Variants in DMXL1 observed in about 807,000 individuals in gnomAD.
The protein encoded by DMXL1 is Dmx like 1.
In DMXL1, 99 loss-of-function variants were observed where a neutral mutation model predicts 319.2. The ratio of observed to expected loss-of-function variants is 0.31; its 90% CI spans 0.26 to 0.37. The LOEUF (loss-of-function observed/expected upper bound fraction) is 0.37, where lower values mean the gene tolerates loss of function less well. DMXL1 is among the 10% of genes least tolerant of loss of function. The pLI is 1.00. For missense variants in DMXL1, 3,745 were observed against 3,595.6 expected (o/e 1.04, Z -1.06); for synonymous variants, 1,385 against 1,235.2 (o/e 1.12, Z -2.54).
chr5:119,128,885 G>A (rs1268192579), intron 9 of DMXL1, among the ~76,000 whole-genome samples: 1 of 152,066 alleles, frequency 6.6e-6, no homozygotes, highest in Non-Finnish European at 1.5e-5. Context: ...CCAGCGTGGT[G>A]AAACCCTGTC....
chr5:119,218,647 G>T (rs968960666), intron 35 of DMXL1, among the ~76,000 whole-genome samples: 6 of 151,980 alleles, frequency 3.9e-5, no homozygotes, highest in Admixed American at 3.9e-4. Context: ...AGTAGAGACG[G>T]CGTTTCACCA....
At position 119,117,490 on chromosome 5, in the gene DMXL1, AGT is replaced by A. The variant is rs372068962; in HGVS notation, c.743+1156_743+1157del. Reference sequence around the variant, plus strand: ...GCCAGGACAGGGATAGAGAAAAGAGAGTGAGAAAAAATGGAGGGAGATGGGTG... The same window carrying A: ...GCCAGGACAGGGATAGAGAAAAGAGAGAGAAAAAATGGAGGGAGATGGGTG... On this transcript the variant is annotated intron_variant, in intron 7 of 43. Coordinates refer to ENST00000539542, the MANE Select transcript of DMXL1 (RefSeq NM_001290321.3). 2.1e-3 allele frequency among the ~76,000 whole-genome samples: 317 copies of A among 152,092 alleles called. 1 individual carries two copies. The highest frequency in any genetic ancestry group is 0.01 in the Middle Eastern group (3 of 294).
chr5:119,150,754 A>G lies in DMXL1; in HGVS notation c.4594+333A>G, dbSNP rs150373227. ...GGCAGTGAACTGATTGTGCCACTGCACTACAGCCTGGACAATAGAGCAAGA... is the reference window on the plus strand; with the variant it reads ...GGCAGTGAACTGATTGTGCCACTGCGCTACAGCCTGGACAATAGAGCAAGA... On this transcript the variant is annotated intron_variant, in intron 18 of 43. Coordinates refer to ENST00000539542, the MANE Select transcript of DMXL1 (RefSeq NM_001290321.3). Among the ~76,000 whole-genome samples, 24 of 152,146 alleles carry G rather than the reference A, an allele frequency of 1.6e-4. No individual in the cohort carries two copies. In the East Asian group the frequency reaches 3.9e-3, roughly 25 times the overall value.
chr5:119,176,679 T>A (rs1279349840), intron 26 of DMXL1, among the ~76,000 whole-genome samples: 1 of 152,108 alleles, frequency 6.6e-6, no homozygotes, highest in African/African-American at 2.4e-5. Context: ...ATTCATGTAC[T>A]TAATGTATGA....
intron 32 of DMXL1, among the ~76,000 whole-genome samples, 173 bp from the exon 33 acceptor site, chr5:119,203,146 T>G (rs1781130359): frequency 6.6e-6 from 1 of 151,998 alleles, no homozygotes; most frequent in Non-Finnish European, 1.5e-5. Flanking sequence ...CTGAATTATG[T>G]ACTAATCCTT....
chr5:119,194,882 C>T (rs936452363), intron 30 of DMXL1, among the ~76,000 whole-genome samples: 13 of 151,744 alleles, frequency 8.6e-5, no homozygotes, highest in Admixed American at 3.3e-4. Flanking sequence ...TGGCAAAACC[C>T]GATCTATATT....
chr5:119,123,390 GAGA>G (rs1762722931), intron 9 of DMXL1, among the ~76,000 whole-genome samples: 1 of 81,998 alleles, frequency 1.2e-5, no homozygotes, highest in South Asian at 5.8e-4. Flanking sequence ...GGAGAGGAGG[GAGA>G]GGAGGGGGAG....
At chr5:119,097,922 C>T (rs1043296755) in intron 1 of DMXL1, 57 bp from the exon 2 acceptor site, 84 of 1,422,262 alleles carry the variant, frequency 5.9e-5, no homozygotes, top group Non-Finnish European at 8.0e-5. Context: ...TACTAGTATT[C>T]TACATGGTAA....
chr5:119,151,941 T>C lies in DMXL1; in HGVS notation c.4607T>C (p.Leu1536Pro), dbSNP rs1034338084. ...SRDRSQGGET[L>P]DECGLKFLLA... ...TCTCCCATTGCAGGTGGAGAAACTC[T>C]TGATGAATGTGGGTTAAAATTTCTT... The change falls in exon 19 of 44, where the codon CTT becomes CCT. Residue 1536 changes from leucine to proline, a missense_variant. Physicochemically the swap from Leu to Pro is moderately conservative, Grantham distance 98. Coordinates refer to ENST00000539542, the MANE Select transcript of DMXL1 (RefSeq NM_001290321.3). 12 of 1,612,578 alleles carry C rather than the reference T, an allele frequency of 7.4e-6. No homozygotes were observed. The highest frequency in any genetic ancestry group is 1.0e-5 in the Non-Finnish European group (12 of 1,179,052).
At chr5:119,190,813 T>C (rs759938311) in intron 29 of DMXL1, among the ~76,000 whole-genome samples, 7 of 152,172 alleles carry the variant, frequency 4.6e-5, no homozygotes, top group African/African-American at 1.4e-4. Context: ...ATAGTGACTT[T>C]GCCAAAAAAC....
At position 119,133,866 on chromosome 5, in the gene DMXL1, G is replaced by A. The variant is rs139365266; in HGVS notation, c.1942G>A (p.Val648Ile). 2,438 of 1,614,078 alleles carry A rather than the reference G, an allele frequency of 1.5e-3. 19 individuals carry two copies. The highest frequency in any genetic ancestry group is 9.1e-3 in the South Asian group (830 of 91,092). Reference protein sequence around the residue: ...FHLNDLACHSVLPLLLTTSHH... With the variant: ...FHLNDLACHSILPLLLTTSHH... ...TCTTAATGATTTAGCTTGCCACTCA[G>A]TATTACCATTATTGCTGACAACATC... Residue 648 changes from valine to isoleucine, a missense_variant, in exon 12 of 44, where the codon GTA becomes ATA. Physicochemically the swap from Val to Ile is conservative, Grantham distance 29. Transcript: ENST00000539542.
chr5:119,082,260 T>G (rs1348899670), intron 1 of DMXL1, among the ~76,000 whole-genome samples: 1 of 151,980 alleles, frequency 6.6e-6, no homozygotes, highest in Non-Finnish European at 1.5e-5. Context: ...TACAGACATG[T>G]GCCACCATGC....
chr5:119,179,200 A>G (rs1018424441), intron 28 of DMXL1, among the ~76,000 whole-genome samples: 4 of 151,926 alleles, frequency 2.6e-5, no homozygotes, highest in African/African-American at 9.7e-5. Context: ...TTAGTTTTCC[A>G]ATTATGGAGG....
chr5:119,080,883 A>G (rs1440568651), intron 1 of DMXL1, among the ~76,000 whole-genome samples: 2 of 152,074 alleles, frequency 1.3e-5, no homozygotes, highest in African/African-American at 4.8e-5. Context: ...TTTTCAAGCC[A>G]TTTCACAAGC....
rs1175553735 is a variant in DMXL1 at position 119,232,525 on chromosome 5, C to A, written c.8339-815C>A. Among the ~76,000 whole-genome samples, 6 of 152,212 alleles carry A rather than the reference C, an allele frequency of 3.9e-5. No individual in the cohort carries two copies. The East Asian group carries it at 9.6e-4, about 24-fold the overall frequency. On this transcript the variant is annotated intron_variant, in intron 38 of 43. Coordinates refer to ENST00000539542, the MANE Select transcript of DMXL1 (RefSeq NM_001290321.3). ...TCTGGGTGCCTTATATATGTGATCT[C>A]ATTTTCTACTCACAACTGTCCAGTG... is the stretch of plus-strand genomic sequence containing the variant.
intron 34 of DMXL1, among the ~76,000 whole-genome samples, chr5:119,211,020 T>G (rs192964883): frequency 0.044 from 6,594 of 149,936 alleles, 193 homozygotes; most frequent in South Asian, 0.069. Flanking sequence ...TTTTTTTTTT[T>G]GCCTACTATT....
intron 7 of DMXL1, 146 bp downstream of exon 7, chr5:119,116,482 A>T (rs544005261): frequency 3.6e-5 from 31 of 861,038 alleles, no homozygotes; most frequent in African/African-American, 3.6e-4. Flanking sequence ...TCTGGCCTGC[A>T]CATCTCTGGC....
intron 5 of DMXL1, among the ~76,000 whole-genome samples, chr5:119,111,108 CA>C (rs1554094883): frequency 6.6e-6 from 1 of 152,016 alleles, no homozygotes; most frequent in Non-Finnish European, 1.5e-5. Context: ...TCTTTTATAG[CA>C]GGGAAAACTA....
intron 2 of DMXL1, among the ~76,000 whole-genome samples, chr5:119,098,363 G>A (rs1383940616): frequency 5.3e-5 from 8 of 152,158 alleles, no homozygotes; most frequent in Admixed American, 2.6e-4. Flanking sequence ...TAAAGCTTAC[G>A]TATTTAAAAG....
Sources: allele counts gnomAD v4.1 joint callset (sites outside exome capture counted in the v4.1 genomes callset), GRCh38; gene constraint gnomAD v4.1.1; transcripts MANE v1.5; gene names NCBI Gene and HGNC (gene_info 2026-07-23, HGNC 2026-07-21).